The following LDLRAD4 variants were observed in gnomAD, a reference collection of about 807,000 sequenced individuals.
The protein encoded by LDLRAD4 is low-density lipoprotein receptor class A domain-containing protein 4.
A neutral mutation model predicts 17.0 loss-of-function variants in LDLRAD4; 5 were observed. The observed-to-expected ratio is 0.29, with a 90% CI of 0.15 to 0.62. The LOEUF (loss-of-function observed/expected upper bound fraction) is 0.62, where lower values mean the gene tolerates loss of function less well. Ranked by LOEUF, LDLRAD4 falls within the 20% of genes least tolerant of loss-of-function variation. LDLRAD4 has a pLI of 0.84. For synonymous variants in LDLRAD4, 168 were observed against 171.8 expected (o/e 0.98, Z 0.17); for missense variants, 340 against 424.7 (o/e 0.80, Z 1.75).
Position 13,642,754 on chromosome 18 carries a change from ACAGGT to A in LDLRAD4, c.337-604_337-600del, listed in dbSNP as rs2042691316. 3.2e-6 allele frequency: 4 copies of A among 1,230,774 alleles called. No individual in the cohort carries two copies. The South Asian group carries it at 1.6e-4, about 51-fold the overall frequency. The allele number at this position is 1,230,774 out of a possible 1,614,324, so 76.2% of individuals were successfully genotyped here. ...GTCATCTTGAATGTATTTCAAGCAC[ACAGGT>A]GTAGAGAGTGAGCCATATTCCACTT... On this transcript the variant is annotated intron_variant, in intron 4 of 5. Coordinates refer to ENST00000359446, the Ensembl canonical transcript of LDLRAD4.
chr18:13,596,014 A>G (rs1410658118), intron 3 of LDLRAD4, among the ~76,000 whole-genome samples: 2 of 152,056 alleles, frequency 1.3e-5, no homozygotes, highest in South Asian at 2.1e-4. Context: ...TTTCCTTTCA[A>G]TTCTGTCAGT....
intron 1 of LDLRAD4, among the ~76,000 whole-genome samples, chr18:13,267,240 TAAA>T (rs1289045119): frequency 6.6e-6 from 1 of 152,248 alleles, no homozygotes; most frequent in Non-Finnish European, 1.5e-5. Flanking sequence ...GCTGTGCACT[TAAA>T]AATTATCAAA....
intron 3 of LDLRAD4, among the ~76,000 whole-genome samples, chr18:13,527,534 A>G (rs2094052273): frequency 6.6e-6 from 1 of 152,146 alleles, no homozygotes; most frequent in African/African-American, 2.4e-5. Context: ...GGCTGACCCA[A>G]TGTGAGCCTC....
intron 3 of LDLRAD4, among the ~76,000 whole-genome samples, chr18:13,598,382 A>C (rs1168695243): frequency 2.0e-5 from 3 of 152,190 alleles, no homozygotes; most frequent in African/African-American, 7.2e-5. Flanking sequence ...CTTAGTTGGT[A>C]TCACACCCAG....
chr18:13,263,671 G>C (rs1005314221), intron 1 of LDLRAD4, among the ~76,000 whole-genome samples: 3 of 152,172 alleles, frequency 2.0e-5, no homozygotes, highest in African/African-American at 4.8e-5. Context: ...GGAAGATGTT[G>C]GTAATCGTAT....
At position 13,583,171 on chromosome 18, in the gene LDLRAD4, T is replaced by C. The variant is rs1568367902; in HGVS notation, c.182-37946T>C. Among the ~76,000 whole-genome samples the C allele has an allele frequency of 2.0e-5, 3 of 152,220 alleles. No homozygotes were observed. In the South Asian group the frequency reaches 6.2e-4, roughly 32 times the overall value. ...ACTAGCCACAGTGGACTAGATGCTA[T>C]CCAAAAAATTAGAAGCTTTTGTAAT... On this transcript the variant is annotated intron_variant, in intron 3 of 5. Coordinates refer to ENST00000359446, the Ensembl canonical transcript of LDLRAD4.
chr18:13,512,955 G>A (rs1785153), intron 3 of LDLRAD4, among the ~76,000 whole-genome samples: 151,270 of 152,346 alleles, frequency 0.99, 75,108 homozygotes, highest in Middle Eastern at 1. Flanking sequence ...TTTGGACTTC[G>A]GAGATTGTCT....
intron 2 of LDLRAD4, among the ~76,000 whole-genome samples, chr18:13,393,406 A>G (rs780064234): frequency 2.6e-5 from 4 of 152,134 alleles, no homozygotes; most frequent in Non-Finnish European, 4.4e-5. Flanking sequence ...CCTGGAAGGC[A>G]TTTTAGAGAG....
At chr18:13,471,403 C>T (rs1206420569) in intron 3 of LDLRAD4, 1 of 152,238 alleles carries the variant, frequency 6.6e-6, no homozygotes, top group Non-Finnish European at 1.5e-5. Context: ...CATGGGCTCC[C>T]CACTGGAAGG....
chr18:13,517,727 A>G lies in LDLRAD4; in HGVS notation c.181+79343A>G, dbSNP rs577892667. Among the ~76,000 whole-genome samples the G allele has an allele frequency of 1.4e-4, 20 of 147,468 alleles. No individual in the cohort carries two copies. In the South Asian group the frequency reaches 4.3e-3, roughly 32 times the overall value. On this transcript the variant is annotated intron_variant, in intron 3 of 5. Coordinates refer to ENST00000359446, the Ensembl canonical transcript of LDLRAD4. The stretch of plus-strand genomic sequence containing the variant: ...CATACTGTTCTTATAATATGTCTGG[A>G]CATGACTTTCTTTTTTTTTGTTTGT...
At chr18:13,557,601 C>T (rs1486495453) in intron 3 of LDLRAD4, among the ~76,000 whole-genome samples, 2 of 152,146 alleles carry the variant, frequency 1.3e-5, no homozygotes, top group Non-Finnish European at 2.9e-5. Flanking sequence ...GGGGTTTCAC[C>T]GTGTTAGCCA....
chr18:13,642,923 TTTTTG>T lies in LDLRAD4; in HGVS notation c.337-431_337-427del, dbSNP rs1174828526. On this transcript the variant is annotated intron_variant, in intron 4 of 5. Coordinates refer to ENST00000359446, the Ensembl canonical transcript of LDLRAD4. ...TTTGTTTGTTTGTTTGTTTATCTAT[TTTTTG>T]TTTTTTTTTTTTCTTCTGTTTTTTT... Among the ~76,000 whole-genome samples the T allele has an allele frequency of 2.1e-3, 249 of 119,904 alleles. 2 individuals are homozygous for T. In the Middle Eastern group the frequency reaches 0.038, roughly 18 times the overall value. The allele number at this position is 119,904 out of a possible 152,430, so 78.7% of individuals were successfully genotyped here.
At chr18:13,299,512 A>G (rs1034721097) in intron 1 of LDLRAD4, among the ~76,000 whole-genome samples, 2 of 152,126 alleles carry the variant, frequency 1.3e-5, no homozygotes, top group African/African-American at 4.8e-5. Context: ...ACAGCCTTTT[A>G]TTTTTAGTGG....
intron 1 of LDLRAD4, among the ~76,000 whole-genome samples, chr18:13,318,459 A>G (rs1270072051): frequency 6.6e-6 from 1 of 152,020 alleles, no homozygotes. Flanking sequence ...ACGGGGTTTT[A>G]CCATACTGGT....
At chr18:13,457,224 T>C (rs565399171) in intron 3 of LDLRAD4, among the ~76,000 whole-genome samples, 4 of 152,202 alleles carry the variant, frequency 2.6e-5, no homozygotes, top group Admixed American at 2.6e-4. Context: ...ATTAATTTGC[T>C]GGGGGGTGCT....
chr18:13,357,502 T>C (rs995809327), intron 1 of LDLRAD4, among the ~76,000 whole-genome samples: 1 of 152,266 alleles, frequency 6.6e-6, no homozygotes, highest in African/African-American at 2.4e-5. Context: ...GACTGCAGAC[T>C]TGTGGTATAA....
At chr18:13,329,339 T>G (rs1304936568) in intron 1 of LDLRAD4, among the ~76,000 whole-genome samples, 1 of 152,224 alleles carries the variant, frequency 6.6e-6, no homozygotes, top group African/African-American at 2.4e-5. Flanking sequence ...TTTTTAAAGG[T>G]TTCTGTCAGC....
intron 3 of LDLRAD4, among the ~76,000 whole-genome samples, chr18:13,583,184 A>G (rs2094887413): frequency 6.6e-6 from 1 of 152,222 alleles, no homozygotes; most frequent in Admixed American, 6.5e-5. Flanking sequence ...AAAAAATTAG[A>G]AGCTTTTGTA....
intron 1 of LDLRAD4, among the ~76,000 whole-genome samples, chr18:13,302,551 A>C (rs905157045): frequency 6.6e-6 from 1 of 152,170 alleles, no homozygotes; most frequent in Admixed American, 6.5e-5. Flanking sequence ...TTACATTTTC[A>C]GTTAAATACT....
Sources: allele counts gnomAD v4.1 joint callset (sites outside exome capture counted in the v4.1 genomes callset), GRCh38; gene constraint gnomAD v4.1.1; transcripts MANE v1.5; gene names NCBI Gene and HGNC (gene_info 2026-07-23, HGNC 2026-07-21).